TAS2R1: variants seen among roughly 807,000 people sequenced by gnomAD.
TAS2R1 encodes the protein taste receptor type 2 member 1.
For synonymous variants in TAS2R1, 141 were observed against 134.2 expected (o/e 1.05, Z -0.35); for missense variants, 370 against 353.4 (o/e 1.05, Z -0.38).
At chr5:9,894,186 T>C in the TAS2R1 span, among the ~76,000 whole-genome samples, 1 of 152,060 alleles carries the variant, frequency 6.6e-6, no homozygotes, top group Admixed American at 6.6e-5. Flanking sequence ...GTGGATCACT[T>C]GAGGTCAGTA....
chr5:9,675,966 T>C (rs1291081622), intron 1 of TAS2R1, among the ~76,000 whole-genome samples: 2 of 152,302 alleles, frequency 1.3e-5, no homozygotes, highest in African/African-American at 2.4e-5. Flanking sequence ...TTTTTCACCA[T>C]TGAATATGAT....
chr5:9,880,503 C>A, the TAS2R1 span, among the ~76,000 whole-genome samples: 739 of 152,308 alleles, frequency 4.9e-3, 5 homozygotes, highest in African/African-American at 0.017. Flanking sequence ...TCAATATCAA[C>A]ACTATTGACA....
the TAS2R1 span, among the ~76,000 whole-genome samples, chr5:9,858,946 A>T: frequency 6.6e-6 from 1 of 152,250 alleles, no homozygotes; most frequent in South Asian, 2.1e-4. Context: ...GCAATTTTGC[A>T]CAGTTGGGTA....
chr5:9,652,068 T>C lies in TAS2R1; in HGVS notation c.-81+7353A>G, dbSNP rs182989343. 1.3e-4 allele frequency among the ~76,000 whole-genome samples: 20 copies of C among 152,336 alleles called. No homozygotes were observed. In the South Asian group the frequency reaches 2.9e-3, roughly 22 times the overall value. On this transcript the variant is annotated intron_variant, in intron 2 of 2. Transcript: ENST00000506620. Reference sequence around the variant, plus strand: ...TATTTTCAGATCAAAATGTGGGTTATTGAAATCATTATATGTATATTCACA... The same window carrying C: ...TATTTTCAGATCAAAATGTGGGTTACTGAAATCATTATATGTATATTCACA...
the TAS2R1 span, among the ~76,000 whole-genome samples, chr5:9,857,603 A>G: frequency 6.6e-6 from 1 of 152,178 alleles, no homozygotes; most frequent in Admixed American, 6.5e-5. Flanking sequence ...TAAATTTAAT[A>G]TAAATATTTA....
At chr5:9,799,109 GGT>G in the TAS2R1 span, among the ~76,000 whole-genome samples, 1 of 152,158 alleles carries the variant, frequency 6.6e-6, no homozygotes, top group East Asian at 1.9e-4. Context: ...ATGCCTGTTA[GGT>G]TGTCTCTCTA....
chr5:9,861,571 C>A, the TAS2R1 span, among the ~76,000 whole-genome samples: 5 of 152,176 alleles, frequency 3.3e-5, no homozygotes, highest in Admixed American at 3.3e-4. Flanking sequence ...CTATGGTTAG[C>A]TTTGCACTAC....
chr5:9,793,013 T>A, the TAS2R1 span, among the ~76,000 whole-genome samples: 1 of 152,180 alleles, frequency 6.6e-6, no homozygotes, highest in African/African-American at 2.4e-5. Context: ...AAAAGATGCA[T>A]TTTCTTAGAA....
chr5:9,867,270 G>C, the TAS2R1 span: 1 of 152,142 alleles, frequency 6.6e-6, no homozygotes, highest in Admixed American at 6.6e-5. Flanking sequence ...GACACAGAGG[G>C]GATATATATT....
intron 1 of TAS2R1, among the ~76,000 whole-genome samples, chr5:9,695,878 C>T (rs1318324640): frequency 6.6e-6 from 1 of 151,900 alleles, no homozygotes; most frequent in African/African-American, 2.4e-5. Flanking sequence ...AGTGAAGAGA[C>T]GATACATAAA....
chr5:9,682,347 T>G (rs566787682), intron 1 of TAS2R1, among the ~76,000 whole-genome samples: 93 of 152,318 alleles, frequency 6.1e-4, no homozygotes, highest in Non-Finnish European at 1.2e-3. Context: ...AAAGCTTACC[T>G]GGGGTTTCCC....
the TAS2R1 span, among the ~76,000 whole-genome samples, chr5:9,815,087 T>C: frequency 1.3e-5 from 2 of 152,182 alleles, no homozygotes; most frequent in African/African-American, 4.8e-5. Context: ...TAAAAGGAAA[T>C]GTAATTAAGC....
At chr5:9,711,596 G>A (rs527682583) in intron 1 of TAS2R1, among the ~76,000 whole-genome samples, 2 of 152,258 alleles carry the variant, frequency 1.3e-5, no homozygotes, top group Non-Finnish European at 1.5e-5. Flanking sequence ...GCACAACAGT[G>A]TGCTTATAGT....
chr5:9,889,842 C>A, the TAS2R1 span: 3 of 152,302 alleles, frequency 2.0e-5, no homozygotes, highest in Non-Finnish European at 4.4e-5. Context: ...TGGTCTCAGA[C>A]CTGAAACCAG....
chr5:9,813,360 A>G, the TAS2R1 span, among the ~76,000 whole-genome samples: 1 of 152,220 alleles, frequency 6.6e-6, no homozygotes, highest in East Asian at 1.9e-4. Flanking sequence ...ACTTTGTTAC[A>G]GTAGCCCTTG....
chr5:9,706,345 A>C (rs1579793466), intron 1 of TAS2R1, among the ~76,000 whole-genome samples: 1 of 152,172 alleles, frequency 6.6e-6, no homozygotes, highest in African/African-American at 2.4e-5. Context: ...CAACCCAAAC[A>C]CCTGTGACCA....
chr5:9,723,661 G>A, the TAS2R1 span, among the ~76,000 whole-genome samples: 175 of 152,326 alleles, frequency 1.1e-3, 1 homozygote, highest in Middle Eastern at 6.8e-3. Flanking sequence ...GGGATGAGCC[G>A]CCATTGGCAA....
intron 2 of TAS2R1, among the ~76,000 whole-genome samples, chr5:9,655,311 T>C (rs1740387608): frequency 6.6e-6 from 1 of 152,124 alleles, no homozygotes; most frequent in Non-Finnish European, 1.5e-5. Flanking sequence ...TAAAAATTAA[T>C]TGGGAAAGGT....
the TAS2R1 span, among the ~76,000 whole-genome samples, chr5:9,779,517 T>C: frequency 6.6e-6 from 1 of 152,226 alleles, no homozygotes; most frequent in Non-Finnish European, 1.5e-5. Flanking sequence ...CTGGCCTATT[T>C]TCAATATTAT....
Sources: allele counts gnomAD v4.1 joint callset (sites outside exome capture counted in the v4.1 genomes callset), GRCh38; gene constraint gnomAD v4.1.1; transcripts MANE v1.5; gene names NCBI Gene and HGNC (gene_info 2026-07-23, HGNC 2026-07-21).